Variants in SPATA6 observed in about 807,000 individuals in gnomAD.
SPATA6 encodes spermatogenesis-associated protein 6.
In SPATA6, 56 loss-of-function variants were observed where a neutral mutation model predicts 65.3. The ratio of observed to expected loss-of-function variants is 0.86; its 90% CI spans 0.69 to 1.07. SPATA6 has a LOEUF of 1.07. Among genes scored for constraint, SPATA6 ranks in the 50% least tolerant of loss-of-function variants. The probability of loss-of-function intolerance (pLI) is 0.00; values close to 1 mark genes in which losing one functional copy is unlikely to be tolerated. For missense variants in SPATA6, 590 were observed against 594.8 expected, an observed-to-expected ratio of 0.99 and a Z score of 0.08; for synonymous variants, 199 against 213.2, an observed-to-expected ratio of 0.93 and a Z score of 0.58.
At chr1:48,365,337 A>C (rs1218146098) in intron 9 of SPATA6, among the ~76,000 whole-genome samples, 1 of 152,184 alleles carries the variant, frequency 6.6e-6, no homozygotes, top group African/African-American at 2.4e-5. Context: ...TCTATGAAGA[A>C]AGTCATTAGC....
At chr1:48,444,538 C>G (rs1168970649) in intron 3 of SPATA6, among the ~76,000 whole-genome samples, 8 of 150,992 alleles carry the variant, frequency 5.3e-5, no homozygotes, top group Admixed American at 4.0e-4. Context: ...CCAATCAGCA[C>G]TCTGTAAAAC....
chr1:48,318,589 T>A (rs1645507878), intron 11 of SPATA6, among the ~76,000 whole-genome samples: 1 of 152,098 alleles, frequency 6.6e-6, no homozygotes, highest in Non-Finnish European at 1.5e-5. Context: ...AAATGAACAC[T>A]GAACTATAAA....
chr1:48,445,529 A>G lies in SPATA6; in HGVS notation c.238+6023T>C, dbSNP rs7524242. Among the ~76,000 whole-genome samples, 371 of 151,822 alleles carry G rather than the reference A, an allele frequency of 2.4e-3. 3 individuals carry two copies. Among genetic ancestry groups the G allele is most frequent in the African/African-American group, 5.6e-3 (230 of 41,420 alleles). ...CAAAAAATTAGCCGGGCGTGGTGGC[A>G]GGCGCCTGTAGTCCCAGCTACTCGG... On this transcript the variant is annotated intron_variant, in intron 3 of 12. Coordinates refer to ENST00000371847, the MANE Select transcript of SPATA6 (RefSeq NM_019073.4).
At chr1:48,420,119 A>G (rs1362754266) in intron 3 of SPATA6, among the ~76,000 whole-genome samples, 1 of 152,126 alleles carries the variant, frequency 6.6e-6, no homozygotes, top group Non-Finnish European at 1.5e-5. Flanking sequence ...CCAATGGCCA[A>G]TGGTTTAAAC....
At chr1:48,280,777 C>G in the SPATA6 span, among the ~76,000 whole-genome samples, 1 of 152,140 alleles carries the variant, frequency 6.6e-6, no homozygotes, top group South Asian at 2.1e-4. Context: ...GGTACCATTC[C>G]TTCTGAAACT....
chr1:48,291,308 C>T (rs923265115), downstream of SPATA6, among the ~76,000 whole-genome samples: 2 of 152,060 alleles, frequency 1.3e-5, no homozygotes, highest in African/African-American at 4.8e-5. Flanking sequence ...GAGATTATGT[C>T]CCTTGTCTTT....
intron 3 of SPATA6, among the ~76,000 whole-genome samples, chr1:48,435,337 T>C (rs1032527708): frequency 6.0e-5 from 9 of 150,854 alleles, no homozygotes; most frequent in Admixed American, 2.6e-4. Flanking sequence ...AGCTAAAGGA[T>C]TGTAAATGCA....
rs1345532516 is a variant in SPATA6 at position 48,453,102 on chromosome 1, G to A, written c.81C>T (p.Asp27=). The A allele has an allele frequency of 6.2e-7, 1 of 1,612,996 alleles. No homozygotes were observed. The highest frequency in any genetic ancestry group is 8.5e-7 in the Non-Finnish European group (1 of 1,179,750). Residue 27 remains aspartate, a synonymous_variant, in exon 2 of 13, where the codon GAC becomes GAT. Coordinates refer to ENST00000371847, the MANE Select transcript of SPATA6 (RefSeq NM_019073.4). The part of the protein sequence containing the change: ...SVTCPGVVLK[D]KEDIYLSICV... ...AGATGCTAAGATAGATGTCCTCTTTGTCTTTAAGCACGACTCCTGGGCAAG... is the reference window on the plus strand; with the variant it reads ...AGATGCTAAGATAGATGTCCTCTTTATCTTTAAGCACGACTCCTGGGCAAG...
At chr1:48,267,030 G>A in the SPATA6 span, among the ~76,000 whole-genome samples, 558 of 151,798 alleles carry the variant, frequency 3.7e-3, 4 homozygotes, top group African/African-American at 0.011. Flanking sequence ...AATTATTTCC[G>A]AAATAAATAT....
rs147894991 is a variant in SPATA6 at position 48,311,011 on chromosome 1, G to C, written c.1195-5133C>G. 2.9e-3 allele frequency among the ~76,000 whole-genome samples: 437 copies of C among 152,160 alleles called. 7 individuals are homozygous for C. Among genetic ancestry groups the C allele is most frequent in the East Asian group, 0.024 (124 of 5,184 alleles). On this transcript the variant is annotated intron_variant, in intron 11 of 12. Coordinates refer to ENST00000371847, the MANE Select transcript of SPATA6 (RefSeq NM_019073.4). ...AAATAAAACAGCACAAGGGACACTA[G>C]AAAATGCTTCAAGAGAAATTTAAAA...
intron 9 of SPATA6, among the ~76,000 whole-genome samples, chr1:48,379,731 T>C (rs1227007032): frequency 6.6e-6 from 1 of 152,182 alleles, no homozygotes; most frequent in Non-Finnish European, 1.5e-5. Context: ...GCATATATCT[T>C]ATGCTCTTTT....
chr1:48,323,403 C>T (rs879085108), intron 11 of SPATA6, among the ~76,000 whole-genome samples: 7 of 149,836 alleles, frequency 4.7e-5, no homozygotes, highest in African/African-American at 1.7e-4. Flanking sequence ...GAACATCACA[C>T]ACCAGGACCT....
the SPATA6 span, among the ~76,000 whole-genome samples, chr1:48,286,956 T>C: frequency 6.6e-6 from 1 of 151,298 alleles, no homozygotes; most frequent in Non-Finnish European, 1.5e-5. Flanking sequence ...GGAGAATCAC[T>C]TGAACCCAGG....
At chr1:48,279,138 T>C in the SPATA6 span, among the ~76,000 whole-genome samples, 1 of 152,082 alleles carries the variant, frequency 6.6e-6, no homozygotes, top group Non-Finnish European at 1.5e-5. Flanking sequence ...TGCTGAGAGA[T>C]TTTGTCACCA....
chr1:48,427,509 C>T (rs967724532), intron 3 of SPATA6, among the ~76,000 whole-genome samples: 1 of 150,534 alleles, frequency 6.6e-6, no homozygotes, highest in African/African-American at 2.4e-5. Context: ...TACATTATTG[C>T]TGTTTTCTAT....
Position 48,296,354 on chromosome 1 carries a change from T to C in SPATA6, c.*2359A>G, listed in dbSNP as rs1031074054. The C allele has an allele frequency of 6.6e-6, 1 of 152,166 alleles. No homozygotes were observed. Among genetic ancestry groups the C allele is most frequent in the African/African-American group, 2.4e-5 (1 of 41,456 alleles). The allele number at this position is 152,166 out of a possible 1,614,324, so 9.4% of individuals were successfully genotyped here. A position where few individuals can be genotyped will look rare whatever the true frequency, so the allele number is the denominator to read the frequency against. Reference sequence around the variant, plus strand: ...AATCAGACACTTAGCAAAGATGCTATTAGTATCTGGGAATTTGCCCCCAAC... The same window carrying C: ...AATCAGACACTTAGCAAAGATGCTACTAGTATCTGGGAATTTGCCCCCAAC... On this transcript the variant is annotated 3_prime_UTR_variant, in exon 13 of 13. Transcript: ENST00000371847.
At chr1:48,470,872 G>A (rs1037873118) in intron 1 of SPATA6, among the ~76,000 whole-genome samples, 1 of 152,010 alleles carries the variant, frequency 6.6e-6, no homozygotes, top group African/African-American at 2.4e-5. Context: ...TCAAACAGAA[G>A]GCAATATACA....
chr1:48,316,650 A>G (rs559675436), intron 11 of SPATA6, among the ~76,000 whole-genome samples: 28 of 152,330 alleles, frequency 1.8e-4, no homozygotes, highest in Admixed American at 9.1e-4. Flanking sequence ...AAACACCAAA[A>G]GCAGTGGCAA....
intron 9 of SPATA6, among the ~76,000 whole-genome samples, chr1:48,364,227 G>T (rs541525190): frequency 6.6e-6 from 1 of 152,306 alleles, no homozygotes; most frequent in South Asian, 2.1e-4. Context: ...TTGGTTCCAA[G>T]TCTTTGCTAT....
Sources: gnomAD v4.1 joint callset for allele counts (sites outside exome capture counted in the v4.1 genomes callset) on GRCh38, gnomAD v4.1.1 for gene constraint, MANE v1.5 for transcripts, NCBI Gene and HGNC (gene_info 2026-07-23, HGNC 2026-07-21) for gene names.